FAT4: variants seen among roughly 807,000 people sequenced by gnomAD.
FAT4 encodes the protein FAT atypical cadherin 4.
FAT4 carries 84 observed loss-of-function variants against 303.9 expected under a neutral mutation model. The ratio of observed to expected loss-of-function variants is 0.28; its 90% CI spans 0.23 to 0.33. The LOEUF (loss-of-function observed/expected upper bound fraction) is 0.33. Ranked by LOEUF, FAT4 falls within the 10% of genes least tolerant of loss-of-function variation. FAT4 has a pLI of 1.00. For synonymous variants in FAT4, 2,307 were observed against 2,298.8 expected (o/e 1.00, Z -0.10); for missense variants, 6,005 against 6,146.8 (o/e 0.98, Z 0.77).
At chr4:125,421,881 G>C (rs1424270785) in intron 7 of FAT4, among the ~76,000 whole-genome samples, 1 of 152,016 alleles carries the variant, frequency 6.6e-6, no homozygotes, top group Non-Finnish European at 1.5e-5. Context: ...CTAAATTCTT[G>C]CTCATCCATA....
At chr4:125,476,298 T>C (rs1199662492) in intron 13 of FAT4, 42 bp downstream of exon 13, 4 of 1,164,030 alleles carry the variant, frequency 3.4e-6, no homozygotes, top group Non-Finnish European at 4.9e-6. Context: ...TTACTTAAAA[T>C]TTTTTAAAAT....
chr4:125,479,478 G>C (rs1435870677), intron 14 of FAT4, among the ~76,000 whole-genome samples: 1 of 152,100 alleles, frequency 6.6e-6, no homozygotes, highest in Non-Finnish European at 1.5e-5. Context: ...ATTCAAGTAA[G>C]AATTAATTTA....
At position 125,451,147 on chromosome 4, in the gene FAT4, C is replaced by T. The variant is rs1419419182; in HGVS notation, c.10137C>T (p.Asn3379=). 7 of 1,614,108 alleles carry T rather than the reference C, an allele frequency of 4.3e-6. No individual in the cohort carries two copies. Among genetic ancestry groups the T allele is most frequent in the Non-Finnish European group, 5.9e-6 (7 of 1,180,012 alleles). Residue 3379 remains asparagine, a synonymous_variant, in exon 10 of 18, where the codon AAC becomes AAT. Transcript: ENST00000394329. The part of the protein sequence containing the change: ...ERVSLKVLAK[N]FGSIRGADID... ...TGTCTTTGAAGGTATTGGCCAAGAA[C>T]TTTGGCAGCATTAGAGGTGCAGATA...
chr4:125,344,484 GA>G (rs1731923012), intron 2 of FAT4, among the ~76,000 whole-genome samples: 1 of 152,072 alleles, frequency 6.6e-6, no homozygotes, highest in South Asian at 2.1e-4. Flanking sequence ...TCCCCATGTT[GA>G]AATACTTAAT....
At chr4:125,347,654 T>C (rs1732056343) in intron 2 of FAT4, among the ~76,000 whole-genome samples, 1 of 151,714 alleles carries the variant, frequency 6.6e-6, no homozygotes, top group South Asian at 2.1e-4. Context: ...GTGCTCACTG[T>C]GTTATATTTC....
At chr4:125,427,741 G>T (rs1296512456) in intron 7 of FAT4, among the ~76,000 whole-genome samples, 1 of 152,142 alleles carries the variant, frequency 6.6e-6, no homozygotes, top group Non-Finnish European at 1.5e-5. Context: ...CCGCTAGTCA[G>T]GGGACCCATT....
chr4:125,423,964 AC>A (rs1446094354), intron 7 of FAT4, among the ~76,000 whole-genome samples: 1 of 152,236 alleles, frequency 6.6e-6, no homozygotes, highest in Non-Finnish European at 1.5e-5. Flanking sequence ...TAATGCCTGT[AC>A]CGTATTATAT....
At chr4:125,489,718 A>G (rs1186999941) in intron 17 of FAT4, among the ~76,000 whole-genome samples, 183 bp from the exon 18 acceptor site, 1 of 152,110 alleles carries the variant, frequency 6.6e-6, no homozygotes, top group Admixed American at 6.5e-5. Context: ...TTGCTAAGTT[A>G]TAAGATGCAC....
At chr4:125,323,053 C>T (rs940740512) in intron 2 of FAT4, among the ~76,000 whole-genome samples, 3 of 152,128 alleles carry the variant, frequency 2.0e-5, no homozygotes, top group Non-Finnish European at 4.4e-5. Context: ...CTCTCTCTAA[C>T]TTTCTTCTCT....
chr4:125,398,426 G>A (rs1734261576), intron 2 of FAT4, among the ~76,000 whole-genome samples: 1 of 152,038 alleles, frequency 6.6e-6, no homozygotes, highest in African/African-American at 2.4e-5. Flanking sequence ...TGTTTGTCAG[G>A]CAGCATTTAA....
intron 2 of FAT4, among the ~76,000 whole-genome samples, chr4:125,369,303 C>T (rs1004990167): frequency 2.6e-5 from 4 of 151,944 alleles, no homozygotes; most frequent in African/African-American, 4.8e-5. Flanking sequence ...AGTAATGGCG[C>T]GTGCATTAAT....
At chr4:125,336,992 G>A (rs1731602297) in intron 2 of FAT4, among the ~76,000 whole-genome samples, 2 of 151,932 alleles carry the variant, frequency 1.3e-5, no homozygotes, top group Admixed American at 1.3e-4. Flanking sequence ...TGTAGATGGA[G>A]TATCAAGGAT....
In FAT4 at chr4:125,373,095, A is replaced by G. The variant is rs898148522; in HGVS notation, c.5176-25689A>G. Among the ~76,000 whole-genome samples the G allele has an allele frequency of 2.0e-5, 3 of 152,198 alleles. No homozygotes were observed. The East Asian group carries it at 5.8e-4, about 29-fold the overall frequency. On this transcript the variant is annotated intron_variant, in intron 2 of 17. Coordinates refer to ENST00000394329, the MANE Select transcript of FAT4 (RefSeq NM_001291303.3). ...AAATAACAAAACAGGAATGACCACC[A>G]GTTATCATTTAATGTGAATCATTGA...
chr4:125,462,391 A>G (rs1726513817), intron 10 of FAT4, among the ~76,000 whole-genome samples: 1 of 152,010 alleles, frequency 6.6e-6, no homozygotes, highest in African/African-American at 2.4e-5. Flanking sequence ...AGTAGAAAGT[A>G]ACTTCCAGAA....
At chr4:125,439,434 G>A (rs1008641795) in intron 8 of FAT4, among the ~76,000 whole-genome samples, 5 of 150,418 alleles carry the variant, frequency 3.3e-5, no homozygotes, top group Non-Finnish European at 5.9e-5. Context: ...CCAGGTTCAC[G>A]CCATTCTCCT....
intron 2 of FAT4, 149 bp from the exon 3 acceptor site, chr4:125,398,635 T>G: frequency 1.5e-6 from 1 of 686,506 alleles, no homozygotes; most frequent in Non-Finnish European, 2.4e-6. Flanking sequence ...AACTTTTCCC[T>G]AGGGGTAGTT....
chr4:125,350,552 G>A (rs1371739556), intron 2 of FAT4, among the ~76,000 whole-genome samples: 2 of 151,708 alleles, frequency 1.3e-5, no homozygotes, highest in East Asian at 3.9e-4. Flanking sequence ...TGTATAGTCA[G>A]TGCTTCAGAG....
At chr4:125,436,627 T>A (rs1031735787) in intron 8 of FAT4, among the ~76,000 whole-genome samples, 6 of 152,146 alleles carry the variant, frequency 3.9e-5, no homozygotes, top group Non-Finnish European at 8.8e-5. Context: ...TAGTTCCACA[T>A]TGGCTGGGGA....
At chr4:125,408,865 A>AT (rs1028440376) in intron 5 of FAT4, 71 bp downstream of exon 5, 1 of 857,542 alleles carries the variant, frequency 1.2e-6, no homozygotes, top group African/African-American at 1.8e-5. Flanking sequence ...ACATTTATTT[A>AT]TTGTGTTGAG....
Sources: allele counts gnomAD v4.1 joint callset (sites outside exome capture counted in the v4.1 genomes callset), GRCh38; gene constraint gnomAD v4.1.1; transcripts MANE v1.5; gene names NCBI Gene and HGNC (gene_info 2026-07-23, HGNC 2026-07-21).